Variants in TENM3 observed in about 807,000 individuals in gnomAD.
TENM3 encodes the protein teneurin transmembrane protein 3, also known as teneurin-3.
A neutral mutation model predicts 255.1 loss-of-function variants in TENM3; 63 were observed. The ratio of observed to expected loss-of-function variants is 0.25; its 90% CI spans 0.20 to 0.30. The LOEUF (loss-of-function observed/expected upper bound fraction) is 0.30, where lower values mean the gene tolerates loss of function less well. Ranked by LOEUF, TENM3 falls within the 10% of genes least tolerant of loss-of-function variation. The probability of loss-of-function intolerance (pLI) is 1.00; values close to 1 mark genes in which losing one functional copy is unlikely to be tolerated. For synonymous variants in TENM3, 1,306 were observed against 1,322.3 expected (o/e 0.99, Z 0.27); for missense variants, 2,929 against 3,461.1 (o/e 0.85, Z 3.86).
the TENM3 span, among the ~76,000 whole-genome samples, chr4:181,958,751 C>T: frequency 2.6e-5 from 4 of 152,136 alleles, no homozygotes; most frequent in Admixed American, 2.6e-4. Flanking sequence ...CACTAGAATA[C>T]TTGATTATAC....
chr4:182,432,088 AAAG>A, intron 3 of TENM3, among the ~76,000 whole-genome samples: 1 of 151,844 alleles, frequency 6.6e-6, no homozygotes, highest in African/African-American at 2.4e-5. Flanking sequence ...AAAAAAAAAA[AAAG>A]AAAGAAAGAA....
At chr4:181,971,479 G>T in the TENM3 span, among the ~76,000 whole-genome samples, 1 of 152,130 alleles carries the variant, frequency 6.6e-6, no homozygotes, top group African/African-American at 2.4e-5. Context: ...AGAGACTTTG[G>T]ACATACTAAC....
chr4:182,486,760 G>T (rs1350318), intron 3 of TENM3, among the ~76,000 whole-genome samples: 137,330 of 152,146 alleles, frequency 0.9, 62,597 homozygotes, highest in East Asian at 1. Context: ...TCCAGTTGTG[G>T]TCCAGATTGT....
At chr4:182,544,396 T>C (rs984582519) in intron 3 of TENM3, among the ~76,000 whole-genome samples, 2 of 146,836 alleles carry the variant, frequency 1.4e-5, no homozygotes, top group African/African-American at 2.5e-5. Flanking sequence ...AGTGGTGTGA[T>C]CTTGGCTCAC....
chr4:182,136,957 A>C, the TENM3 span, among the ~76,000 whole-genome samples: 1 of 152,002 alleles, frequency 6.6e-6, no homozygotes, highest in Non-Finnish European at 1.5e-5. Context: ...TAATGCACAG[A>C]AAGATCTCCA....
intron 22 of TENM3, among the ~76,000 whole-genome samples, chr4:182,771,083 T>C (rs962417060): frequency 1.6e-4 from 25 of 152,210 alleles, no homozygotes; most frequent in African/African-American, 6.0e-4. Context: ...GTCTGAACTT[T>C]CAGCTTCCTG....
the TENM3 span, among the ~76,000 whole-genome samples, chr4:181,546,587 G>A: frequency 2.1e-5 from 3 of 141,308 alleles, no homozygotes; most frequent in African/African-American, 5.2e-5. Flanking sequence ...GGTGGCGGAC[G>A]CCTGTAGTCC....
chr4:182,391,299 C>T (rs948827016), intron 3 of TENM3, among the ~76,000 whole-genome samples: 10 of 152,198 alleles, frequency 6.6e-5, no homozygotes, highest in Admixed American at 3.3e-4. Flanking sequence ...GATAAATTAA[C>T]TAATTTATCC....
chr4:182,198,750 TGAAGACCC>T (rs1713261716), intron 1 of TENM3, among the ~76,000 whole-genome samples: 1 of 152,116 alleles, frequency 6.6e-6, no homozygotes, highest in East Asian at 1.9e-4. Flanking sequence ...GCAGAGAGAC[TGAAGACCC>T]GATGATGAAG....
At chr4:181,627,782 A>G in the TENM3 span, among the ~76,000 whole-genome samples, 8 of 152,140 alleles carry the variant, frequency 5.3e-5, no homozygotes, top group Non-Finnish European at 1.0e-4. Context: ...TGTGAATAGT[A>G]CCGCAATAAA....
At chr4:181,799,532 G>A in the TENM3 span, among the ~76,000 whole-genome samples, 112 of 152,276 alleles carry the variant, frequency 7.4e-4, no homozygotes, top group South Asian at 2.9e-3. Flanking sequence ...ATCAAAGCAT[G>A]ATCATTTCTT....
intron 24 of TENM3, among the ~76,000 whole-genome samples, chr4:182,783,869 T>C (rs1394611331): frequency 6.6e-6 from 1 of 151,966 alleles, no homozygotes; most frequent in Non-Finnish European, 1.5e-5. Context: ...GCTTCTGCAT[T>C]CTTCACGTAG....
In TENM3 at chr4:182,210,622, T is replaced by G. The variant is rs1474640003; in HGVS notation, c.-76+65868T>G. 4.8e-4 allele frequency among the ~76,000 whole-genome samples: 24 copies of G among 49,592 alleles called. No individual in the cohort carries two copies. The Admixed American group carries it at 5.6e-3, about 12-fold the overall frequency. 32.5% of individuals were successfully genotyped at this position (49,592 alleles called of 152,430 possible). ...CCTCCATTTTCCCCCTCTCTAGTTT[T>G]TTTTTTTTTTTTTGTATCATTGTCA... On this transcript the variant is annotated intron_variant, in intron 1 of 2. Transcript: ENST00000512480.
At chr4:181,883,544 G>A in the TENM3 span, among the ~76,000 whole-genome samples, 34 of 152,046 alleles carry the variant, frequency 2.2e-4, no homozygotes, top group African/African-American at 8.0e-4. Context: ...GTGCGATCTC[G>A]GCTCACTGCA....
chr4:182,339,963 C>CT (rs1561340128), intron 2 of TENM3, among the ~76,000 whole-genome samples: 2 of 152,042 alleles, frequency 1.3e-5, no homozygotes, highest in South Asian at 2.1e-4. Flanking sequence ...TTTGCTAAAG[C>CT]TTTTTTTATG....
At chr4:182,254,609 G>C (rs1253125003) in intron 1 of TENM3, among the ~76,000 whole-genome samples, 1 of 152,144 alleles carries the variant, frequency 6.6e-6, no homozygotes, top group Non-Finnish European at 1.5e-5. Context: ...ATGTTACACT[G>C]AAAGTAGTAA....
the TENM3 span, among the ~76,000 whole-genome samples, chr4:181,930,149 CA>C: frequency 6.6e-6 from 1 of 151,946 alleles, no homozygotes; most frequent in African/African-American, 2.4e-5. Flanking sequence ...CAAAAGCTAA[CA>C]AAAACAAGAA....
intron 1 of TENM3, among the ~76,000 whole-genome samples, chr4:182,289,376 C>T (rs1006792970): frequency 1.3e-5 from 2 of 152,254 alleles, no homozygotes; most frequent in African/African-American, 2.4e-5. Flanking sequence ...TGTCATCGCC[C>T]CCTCTGCTGG....
chr4:182,614,726 C>CT (rs1341513995), intron 4 of TENM3, among the ~76,000 whole-genome samples: 1 of 152,142 alleles, frequency 6.6e-6, no homozygotes. Flanking sequence ...TGCACACACT[C>CT]TCGAAAGCAT....
Sources: gnomAD v4.1 joint callset for allele counts (sites outside exome capture counted in the v4.1 genomes callset) on GRCh38, gnomAD v4.1.1 for gene constraint, MANE v1.5 for transcripts, NCBI Gene and HGNC (gene_info 2026-07-23, HGNC 2026-07-21) for gene names.